COX10: variants seen among roughly 807,000 people sequenced by gnomAD.
COX10 encodes the protein protoheme IX farnesyltransferase, mitochondrial.
COX10 carries 27 observed loss-of-function variants against 37.3 expected under a neutral mutation model. The ratio of observed to expected loss-of-function variants is 0.72; its 90% CI spans 0.53 to 1.00. The LOEUF (loss-of-function observed/expected upper bound fraction) is 1.00, where lower values mean the gene tolerates loss of function less well. COX10 is among the 50% of genes least tolerant of loss of function. The probability of loss-of-function intolerance (pLI) is 0.00; values close to 1 mark genes in which losing one functional copy is unlikely to be tolerated. For missense variants in COX10, 475 were observed against 563.2 expected, an observed-to-expected ratio of 0.84 and a Z score of 1.59; for synonymous variants, 222 against 229.1, an observed-to-expected ratio of 0.97 and a Z score of 0.28.
intron 4 of COX10, among the ~76,000 whole-genome samples, chr17:14,143,445 A>G (rs1378814021): frequency 6.6e-6 from 1 of 152,252 alleles, no homozygotes; most frequent in East Asian, 1.9e-4. Flanking sequence ...TTGTGGAGAA[A>G]ATGGGCAGTA....
intron 6 of COX10, among the ~76,000 whole-genome samples, chr17:14,206,261 G>A (rs1003520931): frequency 7.2e-5 from 11 of 152,258 alleles, no homozygotes; most frequent in Admixed American, 5.2e-4. Context: ...CAGAACAGGC[G>A]GAGCGGACTT....
At chr17:14,177,178 C>T (rs542238004) in intron 5 of COX10, 31 of 688,282 alleles carry the variant, frequency 4.5e-5, no homozygotes, top group Admixed American at 4.1e-4. Context: ...AGGAATGTCT[C>T]GTCTTCTTCA....
chr17:14,162,468 T>G (rs1034606662), intron 5 of COX10, among the ~76,000 whole-genome samples: 2 of 152,218 alleles, frequency 1.3e-5, no homozygotes, highest in Non-Finnish European at 2.9e-5. Context: ...GTTTCTCTAG[T>G]GTCACAAAAA....
In COX10 at chr17:14,204,197, C is replaced by T. The variant is rs779110764; in HGVS notation, c.929-2613C>T. Among the ~76,000 whole-genome samples the T allele has an allele frequency of 4.6e-5, 7 of 152,092 alleles. No individual in the cohort carries two copies. In the East Asian group the frequency reaches 1.2e-3, roughly 25 times the overall value. ...TCACCTCAGGTAGGAAATGCAGACA[C>T]GTAAATGTCTGCCTGGACCCTGTGG... On this transcript the variant is annotated intron_variant, in intron 6 of 6. Coordinates refer to ENST00000261643, the MANE Select transcript of COX10 (RefSeq NM_001303.4).
intron 4 of COX10, among the ~76,000 whole-genome samples, chr17:14,152,596 C>T (rs1038939797): frequency 6.6e-6 from 1 of 152,076 alleles, no homozygotes; most frequent in African/African-American, 2.4e-5. Context: ...AGGCTGTTGC[C>T]CCAGTATCTA....
chr17:14,120,756 G>A (rs752955328), intron 4 of COX10, among the ~76,000 whole-genome samples: 4 of 152,168 alleles, frequency 2.6e-5, no homozygotes, highest in Non-Finnish European at 5.9e-5. Flanking sequence ...AACTTAGACA[G>A]TGAGTACAGA....
In COX10 at chr17:14,207,377, A is replaced by C; in HGVS notation, c.*164A>C. 1 of 887,444 alleles carries C rather than the reference A, an allele frequency of 1.1e-6. No individual in the cohort carries two copies. The highest frequency in any genetic ancestry group is 1.6e-6 in the Non-Finnish European group (1 of 609,414). 55.0% of individuals were successfully genotyped at this position (887,444 alleles called of 1,614,324 possible). A position where few individuals can be genotyped will look rare whatever the true frequency, so the allele number is the denominator to read the frequency against. The stretch of plus-strand genomic sequence containing the variant: ...TTTTTTTTTTTTTTAAATATTACCC[A>C]AAATGCTCCCCAAATAAGAAATGCA... On this transcript the variant is annotated 3_prime_UTR_variant, in exon 7 of 7. Coordinates refer to ENST00000261643, the MANE Select transcript of COX10 (RefSeq NM_001303.4).
At chr17:14,173,834 A>G (rs1253494272) in intron 5 of COX10, among the ~76,000 whole-genome samples, 2 of 152,222 alleles carry the variant, frequency 1.3e-5, no homozygotes, top group Admixed American at 6.5e-5. Context: ...TAGGAGTAAT[A>G]AGTAAATCTA....
At chr17:14,198,953 C>T (rs1008252446) in intron 6 of COX10, among the ~76,000 whole-genome samples, 15 of 151,912 alleles carry the variant, frequency 9.9e-5, no homozygotes, top group African/African-American at 2.9e-4. Context: ...GTTATACTAG[C>T]GTTGGAGCTC....
intron 4 of COX10, among the ~76,000 whole-genome samples, chr17:14,113,417 A>G (rs1276415430): frequency 6.6e-6 from 1 of 152,106 alleles, no homozygotes; most frequent in Non-Finnish European, 1.5e-5. Context: ...AGTAGGACAT[A>G]CAATGTTTAT....
intron 4 of COX10, among the ~76,000 whole-genome samples, chr17:14,115,325 A>G (rs987938565): frequency 1.3e-5 from 2 of 152,310 alleles, no homozygotes; most frequent in Non-Finnish European, 1.5e-5. Flanking sequence ...AAGTTGAATT[A>G]AAATTTGGGT....
chr17:14,102,215 A>C lies in COX10; in HGVS notation c.597A>C (p.Ala199=), dbSNP rs928706271. ...TTACTTCTGTTGGGACAGGCCTTGC[A>C]TCCTGTGCTGCCAACTCCATCAATC... The part of the protein sequence containing the change: ...FLLTSVGTGL[A]SCAANSINQF... Residue 199 remains alanine, a synonymous_variant, in exon 4 of 7, where the codon GCA becomes GCC. Transcript: ENST00000261643. 1.2e-6 allele frequency: 2 copies of C among 1,613,586 alleles called. No individual in the cohort carries two copies. Among genetic ancestry groups the C allele is most frequent in the African/African-American group, 2.7e-5 (2 of 74,870 alleles).
At chr17:14,128,893 C>T (rs183301294) in intron 4 of COX10, among the ~76,000 whole-genome samples, 164 of 152,312 alleles carry the variant, frequency 1.1e-3, no homozygotes, top group Middle Eastern at 3.4e-3. Flanking sequence ...CGCGCCCAGG[C>T]GAGAGTGCAG....
At chr17:14,145,078 T>C (rs1904671193) in intron 4 of COX10, among the ~76,000 whole-genome samples, 1 of 151,170 alleles carries the variant, frequency 6.6e-6, no homozygotes, top group African/African-American at 2.4e-5. Context: ...CTGTACACAC[T>C]GGTAGGGATG....
chr17:14,166,045 A>T (rs1345476146), intron 5 of COX10, among the ~76,000 whole-genome samples: 1 of 152,254 alleles, frequency 6.6e-6, no homozygotes, highest in Non-Finnish European at 1.5e-5. Context: ...CTGTCTTCAA[A>T]ACAAAAAGTG....
At chr17:14,117,685 A>G (rs960031602) in intron 4 of COX10, among the ~76,000 whole-genome samples, 3 of 152,164 alleles carry the variant, frequency 2.0e-5, no homozygotes. Flanking sequence ...CTGACCCAGC[A>G]TCTAGAGGTG....
At chr17:14,130,834 A>T (rs1000023519) in intron 4 of COX10, among the ~76,000 whole-genome samples, 1 of 151,560 alleles carries the variant, frequency 6.6e-6, no homozygotes, top group African/African-American at 2.4e-5. Flanking sequence ...GCTCTTCTTC[A>T]CTAAATAGTC....
intron 5 of COX10, among the ~76,000 whole-genome samples, chr17:14,167,931 C>T (rs1168606336): frequency 6.6e-6 from 1 of 152,214 alleles, no homozygotes; most frequent in Non-Finnish European, 1.5e-5. Flanking sequence ...TTTCAAAACA[C>T]AATCATGCCT....
intron 3 of COX10, among the ~76,000 whole-genome samples, chr17:14,101,863 T>C (rs915926845): frequency 8.5e-5 from 13 of 152,236 alleles, no homozygotes; most frequent in Admixed American, 3.3e-4. Flanking sequence ...AATGATTGAA[T>C]CTGGAAGACT....
Sources: gnomAD v4.1 joint callset for allele counts (sites outside exome capture counted in the v4.1 genomes callset) on GRCh38, gnomAD v4.1.1 for gene constraint, MANE v1.5 for transcripts, NCBI Gene and HGNC (gene_info 2026-07-23, HGNC 2026-07-21) for gene names.